Variants in APC observed in about 807,000 individuals in gnomAD.
The protein encoded by APC is APC regulator of Wnt signaling pathway.
In APC, 72 loss-of-function variants were observed where a neutral mutation model predicts 247.0. The ratio of observed to expected loss-of-function variants is 0.29; its 90% CI spans 0.24 to 0.35. The LOEUF is 0.35. Among genes scored for constraint, APC ranks in the 10% least tolerant of loss-of-function variants. The pLI, the probability that APC is intolerant of heterozygous loss-of-function variation, is 1.00. For synonymous variants in APC, 1,254 were observed against 1,162.5 expected (o/e 1.08, Z -1.60); for missense variants, 3,400 against 3,360.7 (o/e 1.01, Z -0.29).
chr5:112,746,048 G>C (rs994548565), intron 1 of APC, among the ~76,000 whole-genome samples: 3 of 151,996 alleles, frequency 2.0e-5, no homozygotes, highest in African/African-American at 7.2e-5. Context: ...AAGGCAAACA[G>C]AACATCAGTG....
intron 4 of APC, among the ~76,000 whole-genome samples, chr5:112,768,566 C>T (rs1213270843): frequency 3.4e-5 from 5 of 147,838 alleles, no homozygotes; most frequent in African/African-American, 1.3e-4. Context: ...TCATGGGGTA[C>T]ATAGTGATGT....
chr5:112,712,453 C>T (rs1396852641), intron 1 of APC, among the ~76,000 whole-genome samples: 1 of 152,072 alleles, frequency 6.6e-6, no homozygotes, highest in Non-Finnish European at 1.5e-5. Context: ...GTGGCATAAT[C>T]ACAACTCACT....
chr5:112,754,056 C>A (rs1309493517), intron 1 of APC, among the ~76,000 whole-genome samples: 1 of 152,174 alleles, frequency 6.6e-6, no homozygotes, highest in East Asian at 1.9e-4. Context: ...CTCTCCTCTT[C>A]TTTCCCAGTC....
chr5:112,768,863 A>G lies in APC; in HGVS notation c.422+1473A>G, dbSNP rs140856256. 4.0e-3 allele frequency among the ~76,000 whole-genome samples: 607 copies of G among 151,694 alleles called. 4 individuals are homozygous for G. Among genetic ancestry groups the G allele is most frequent in the African/African-American group, 0.014 (576 of 41,282 alleles). On this transcript the variant is annotated intron_variant, in intron 4 of 15. Coordinates refer to ENST00000257430, the MANE Select transcript of APC (RefSeq NM_000038.6). ...GTACAGTAGCGTAGAACACAGTCTT[A>G]TACAGTAGTGTAGAACACAGTCCTA...
rs1329998234 is a variant in APC at position 112,838,331 on chromosome 5, C to T, written c.2737C>T (p.His913Tyr). 6 of 1,614,096 alleles carry T rather than the reference C, an allele frequency of 3.7e-6. No homozygotes were observed. The South Asian group carries it at 6.6e-5, about 18-fold the overall frequency. The change falls in exon 16 of 16, where the codon CAT (histidine) becomes TAT (tyrosine). Residue 913 changes from histidine (H) to tyrosine (Y), a missense_variant. Physicochemically the swap from His to Tyr is moderately conservative, Grantham distance 83. This residue lies in a region of APC where 715 missense variants were observed against 656.6 expected (regional missense o/e 1.09). Transcript: ENST00000257430. Reference sequence around the variant, plus strand: ...AAGTTCTGGGTCTACCACTGAATTACATTGTGTGACAGATGAGAGAAATGC... The same window carrying T: ...AAGTTCTGGGTCTACCACTGAATTATATTGTGTGACAGATGAGAGAAATGC... ...DRSSGSTTEL[H>Y]CVTDERNALR...
At chr5:112,710,876 A>T (rs374674879) in intron 1 of APC, among the ~76,000 whole-genome samples, 103 of 152,372 alleles carry the variant, frequency 6.8e-4, no homozygotes, top group African/African-American at 2.3e-3. Flanking sequence ...AAATTAATAC[A>T]TGTTAAATGT....
chr5:112,759,799 A>G (rs762158387), intron 2 of APC, among the ~76,000 whole-genome samples: 4 of 152,210 alleles, frequency 2.6e-5, no homozygotes, highest in Non-Finnish European at 4.4e-5. Context: ...TTACATATGT[A>G]TTTAAAAGCT....
At chr5:112,720,828 C>G (rs1439431226) in intron 1 of APC, among the ~76,000 whole-genome samples, 4 of 152,126 alleles carry the variant, frequency 2.6e-5, no homozygotes, top group Non-Finnish European at 4.4e-5. Flanking sequence ...TTCCCCCTTT[C>G]CTCTATAATA....
At position 112,707,850 on chromosome 5, in the gene APC, C is replaced by T. The variant is rs755954869; in HGVS notation, c.133C>T (p.Arg45Cys). The stretch of plus-strand genomic sequence containing the variant: ...GGAGACGAAGAGCCCGGGCGGCGCT[C>T]GTACTTCTGGCCACTGGGCGAGCGT... The change falls in exon 1 of 14, where the codon CGT (arginine) becomes TGT (cysteine). Residue 45 changes from arginine (R) to cysteine (C), a missense_variant. By Grantham distance (180) the Arg-to-Cys change is radical (BLOSUM62 -3). Coordinates refer to the APC transcript ENST00000507379. 1.0e-5 allele frequency: 14 copies of T among 1,370,238 alleles called. No individual in the cohort carries two copies. Among genetic ancestry groups the T allele is most frequent in the Non-Finnish European group, 1.1e-5 (11 of 1,038,696 alleles). 84.9% of individuals were successfully genotyped at this position (1,370,238 alleles called of 1,614,324 possible).
At position 112,775,958 on chromosome 5, in the gene APC, A is replaced by G. The variant is rs73791479; in HGVS notation, c.531+221A>G. On this transcript the variant is annotated intron_variant, in intron 5 of 15. Transcript: ENST00000257430. Reference sequence around the variant, plus strand: ...CTCAAATGTTTTATTTAAAGCTCTTATTTAGAAAATCTATAAAGTTTGAAT... The same window carrying G: ...CTCAAATGTTTTATTTAAAGCTCTTGTTTAGAAAATCTATAAAGTTTGAAT... Among the ~76,000 whole-genome samples, 1,213 of 152,302 alleles carry G rather than the reference A, an allele frequency of 8.0e-3. 15 individuals carry two copies. Among genetic ancestry groups the G allele is most frequent in the African/African-American group, 0.027 (1,134 of 41,578 alleles).
At chr5:112,797,691 C>G (rs958867024) in intron 7 of APC, among the ~76,000 whole-genome samples, 2 of 152,060 alleles carry the variant, frequency 1.3e-5, no homozygotes, top group African/African-American at 4.8e-5. Flanking sequence ...AAGATAATAG[C>G]AAATGAAGAA....
chr5:112,709,520 G>T (rs1581000973), intron 1 of APC, among the ~76,000 whole-genome samples: 1 of 152,182 alleles, frequency 6.6e-6, no homozygotes. Flanking sequence ...AGCAGGGGTT[G>T]CTGAGCCCCA....
chr5:112,841,523 C>A lies in APC; in HGVS notation c.5929C>A (p.Gln1977Lys), dbSNP rs1766089930. The A allele has an allele frequency of 1.2e-6, 2 of 1,613,790 alleles. No homozygotes were observed. Among genetic ancestry groups the A allele is most frequent in the Non-Finnish European group, 1.7e-6 (2 of 1,179,830 alleles). ...SSLSSLSDID[Q>K]ENNNKENEPI... ...TCTGAGTTCTCTCAGTGACATTGACCAAGAAAACAACAATAAAGAAAATGA... is the reference window on the plus strand; with the variant it reads ...TCTGAGTTCTCTCAGTGACATTGACAAAGAAAACAACAATAAAGAAAATGA... Residue 1977 changes from glutamine to lysine, a missense_variant, in exon 16 of 16, where the codon CAA becomes AAA. Gln to Lys is a moderately conservative substitution (Grantham distance 53). This residue lies in a region of APC where 1,788 missense variants were observed against 1,649.5 expected (regional missense o/e 1.08). Coordinates refer to ENST00000257430, the MANE Select transcript of APC (RefSeq NM_000038.6). The surrounding 1 kb of genome is among the most constrained non-coding windows in gnomAD (Gnocchi z 4.6).
In APC at chr5:112,828,989, T is replaced by A. The variant is rs900659935; in HGVS notation, c.1743+17T>A. On this transcript the variant is annotated intron_variant, in intron 14 of 15. Coordinates refer to ENST00000257430, the MANE Select transcript of APC (RefSeq NM_000038.6). Reference sequence around the variant, plus strand: ...GTTAAAAAGGTACCTTTGAAAACATTTAGTACTATAATATGAATTTCATGT... The same window carrying A: ...GTTAAAAAGGTACCTTTGAAAACATATAGTACTATAATATGAATTTCATGT... 1 of 1,541,680 alleles carries A rather than the reference T, an allele frequency of 6.5e-7. No homozygotes were observed. The highest frequency in any genetic ancestry group is 1.4e-5 in the African/African-American group (1 of 73,406).
At chr5:112,835,696 C>CCAA (rs1197091625) in intron 15 of APC, among the ~76,000 whole-genome samples, 1 of 151,672 alleles carries the variant, frequency 6.6e-6, no homozygotes, top group African/African-American at 2.4e-5. Flanking sequence ...CCTCAGCTTC[C>CCAA]CAACAAGCTG....
rs558319402 is a variant in APC, at chr5:112,711,661, C to T, written c.165+3779C>T. On this transcript the variant is annotated intron_variant, in intron 1 of 13. Coordinates refer to the APC transcript ENST00000507379. ...GCTTGAGGGGCGGAGTTCAAGGCTGCAGTGAGCTATGATTGGGCCACTGCA... is the reference window on the plus strand; with the variant it reads ...GCTTGAGGGGCGGAGTTCAAGGCTGTAGTGAGCTATGATTGGGCCACTGCA... Among the ~76,000 whole-genome samples the T allele has an allele frequency of 3.9e-5, 6 of 152,256 alleles. No homozygotes were observed. In the East Asian group the frequency reaches 9.6e-4, roughly 24 times the overall value.
At chr5:112,805,665 A>G (rs1761305540) in intron 8 of APC, among the ~76,000 whole-genome samples, 1 of 152,210 alleles carries the variant, frequency 6.6e-6, no homozygotes, top group African/African-American at 2.4e-5. Flanking sequence ...ATCTATACAC[A>G]TGATCGCCTC....
At chr5:112,772,498 C>T (rs957268235) in intron 4 of APC, among the ~76,000 whole-genome samples, 1 of 151,732 alleles carries the variant, frequency 6.6e-6, no homozygotes, top group Non-Finnish European at 1.5e-5. Flanking sequence ...TCAATTTAAG[C>T]ACTTTTAATG....
chr5:112,825,903 C>G (rs370437683), intron 11 of APC, among the ~76,000 whole-genome samples: 76 of 152,266 alleles, frequency 5.0e-4, no homozygotes, highest in African/African-American at 1.8e-3. Flanking sequence ...TGTTCACTGT[C>G]TCTGTATTTT....
Sources: gnomAD v4.1 joint callset for allele counts (sites outside exome capture counted in the v4.1 genomes callset) on GRCh38, gnomAD v4.1.1 for gene constraint, gnomAD v4.1.1 regional missense constraint, Gnocchi (gnomAD v3.1) non-coding constraint, MANE v1.5 for transcripts, NCBI Gene and HGNC (gene_info 2026-07-23, HGNC 2026-07-21) for gene names.